UTRN: variants seen among roughly 807,000 people sequenced by gnomAD.
The protein encoded by UTRN is dystrophin-related protein 1.
A neutral mutation model predicts 463.9 loss-of-function variants in UTRN; 283 were observed. The observed-to-expected ratio is 0.61, with a 90% CI of 0.55 to 0.67. UTRN has a LOEUF of 0.67. UTRN is among the 30% of genes least tolerant of loss of function. The pLI, the probability that UTRN is intolerant of heterozygous loss-of-function variation, is 0.00. For missense variants in UTRN, 3,922 were observed against 4,084.3 expected (o/e 0.96, Z 1.08); for synonymous variants, 1,442 against 1,431.5 (o/e 1.01, Z -0.17).
Position 144,772,103 on chromosome 6 carries a change from G to C in UTRN, c.8557+135G>C, listed in dbSNP as rs141249643. ...GGCTGGAGTGCAGTGGCATGATCTC[G>C]GCTCACTGCAACCTCTGCCTCCCGG... On this transcript the variant is annotated intron_variant, in intron 59 of 74. Transcript: ENST00000367545. The C allele has an allele frequency of 8.1e-3, 4,111 of 508,592 alleles. 158 individuals are homozygous for C. In the African/African-American group the frequency reaches 0.087, roughly 11 times the overall value. 31.5% of individuals were successfully genotyped at this position (508,592 alleles called of 1,614,324 possible).
chr6:144,356,411 A>G (rs1778550385), intron 2 of UTRN, among the ~76,000 whole-genome samples: 1 of 152,214 alleles, frequency 6.6e-6, no homozygotes, highest in African/African-American at 2.4e-5. Flanking sequence ...AGGTGGCAAA[A>G]TCACTTCTGG....
intron 50 of UTRN, among the ~76,000 whole-genome samples, chr6:144,569,643 TC>T (rs1800754191): frequency 6.6e-6 from 1 of 152,186 alleles, no homozygotes. Context: ...TAGGTCCTGG[TC>T]CTATTGGGTG....
At chr6:144,813,888 C>A (rs954709302) in intron 65 of UTRN, among the ~76,000 whole-genome samples, 3 of 152,218 alleles carry the variant, frequency 2.0e-5, no homozygotes, top group African/African-American at 4.8e-5. Flanking sequence ...AGCTCTCAGA[C>A]TGGACCCATC....
At chr6:144,461,152 G>T in intron 21 of UTRN, 45 bp from the exon 22 acceptor site, 1 of 1,496,538 alleles carries the variant, frequency 6.7e-7, no homozygotes, top group Non-Finnish European at 9.0e-7. Flanking sequence ...AATAATATTG[G>T]TTCCTAATAT....
At chr6:144,754,339 G>A (rs1407248533) in intron 56 of UTRN, among the ~76,000 whole-genome samples, 2 of 152,156 alleles carry the variant, frequency 1.3e-5, no homozygotes, top group African/African-American at 4.8e-5. Flanking sequence ...TGTATGACCA[G>A]AATACGAACA....
At chr6:144,346,834 G>C (rs1259235508) in intron 2 of UTRN, among the ~76,000 whole-genome samples, 1 of 151,634 alleles carries the variant, frequency 6.6e-6, no homozygotes, top group Non-Finnish European at 1.5e-5. Context: ...AAAAAAAATA[G>C]ATCTCTATCT....
rs1232649847 is a variant in UTRN at position 144,774,223 on chromosome 6, C to T, written c.8558-67C>T. On this transcript the variant is annotated intron_variant, in intron 59 of 74. Transcript: ENST00000367545. ...TTTCATCATCCAAAGTAACCAAATACATTCTGGGCATTCAATATATATTCA... is the reference window on the plus strand; with the variant it reads ...TTTCATCATCCAAAGTAACCAAATATATTCTGGGCATTCAATATATATTCA... 8.6e-6 allele frequency: 12 copies of T among 1,398,816 alleles called. No individual in the cohort carries two copies. In the East Asian group the frequency reaches 2.9e-4, roughly 34 times the overall value. 86.7% of individuals were successfully genotyped at this position (1,398,816 alleles called of 1,614,324 possible). A position where few individuals can be genotyped will look rare whatever the true frequency, so the allele number is the denominator to read the frequency against.
intron 2 of UTRN, among the ~76,000 whole-genome samples, chr6:144,352,931 TTTCTTC>T (rs751691414): frequency 6.6e-6 from 1 of 152,068 alleles, no homozygotes; most frequent in Non-Finnish European, 1.5e-5. Context: ...TCTATTTATG[TTTCTTC>T]TTCTTCTTTT....
At position 144,448,649 on chromosome 6, in the gene UTRN, A is replaced by G. The variant is rs780724793; in HGVS notation, c.1952A>G (p.Asp651Gly). The change falls in exon 17 of 75, where the codon GAC becomes GGC. Residue 651 changes from aspartate to glycine, a missense_variant. By Grantham distance (94) the Asp-to-Gly change is moderately conservative (BLOSUM62 -1). This residue lies in a region of UTRN where 2,349 missense variants were observed against 2,303.8 expected (regional missense o/e 1.02). Coordinates refer to ENST00000367545, the MANE Select transcript of UTRN (RefSeq NM_007124.3). ...KLGMSQIPQK[D>G]LLETVRVREQ... is the part of the protein sequence containing the mutation. ...GGGATGTCTCAGATTCCTCAGAAGG[A>G]CCTTTTGGAGACTGTTCGTGTAAGA... 25 of 1,613,908 alleles carry G rather than the reference A, an allele frequency of 1.5e-5. No homozygotes were observed. Among genetic ancestry groups the G allele is most frequent in the Non-Finnish European group, 1.9e-5 (22 of 1,179,944 alleles).
rs1803661610 is a variant in UTRN, at chr6:144,286,394, G to A, written c.-93+573G>A. 2.0e-5 allele frequency among the ~76,000 whole-genome samples: 3 copies of A among 152,276 alleles called. No individual in the cohort carries two copies. In the South Asian group the frequency reaches 6.2e-4, roughly 32 times the overall value. On this transcript the variant is annotated intron_variant, in intron 1 of 74. Coordinates refer to ENST00000367545, the MANE Select transcript of UTRN (RefSeq NM_007124.3). The surrounding 1 kb of genome is among the most constrained non-coding windows in gnomAD (Gnocchi z 4.4). ...GGGGAACGTGCTTGACCTCTGGGTG[G>A]TTGCTGCTCCCAAGGGTGGGGCTCC... is the stretch of plus-strand genomic sequence containing the variant.
intron 2 of UTRN, among the ~76,000 whole-genome samples, chr6:144,352,414 A>T (rs1778185511): frequency 6.6e-6 from 1 of 152,208 alleles, no homozygotes; most frequent in African/African-American, 2.4e-5. Context: ...CTTTGCTTAT[A>T]TGCATTAAAA....
chr6:144,464,856 C>T (rs1394494887), intron 23 of UTRN, among the ~76,000 whole-genome samples: 1 of 152,138 alleles, frequency 6.6e-6, no homozygotes, highest in African/African-American at 2.4e-5. Flanking sequence ...GCAATTGTTC[C>T]CGGCTTTCAA....
At chr6:144,370,300 C>T (rs978777681) in intron 2 of UTRN, among the ~76,000 whole-genome samples, 12 of 152,306 alleles carry the variant, frequency 7.9e-5, no homozygotes, top group Admixed American at 7.8e-4. Context: ...AGTCCTGGGA[C>T]TTGGTGCCCT....
chr6:144,470,153 C>A (rs879880946), intron 23 of UTRN, among the ~76,000 whole-genome samples: 1 of 152,136 alleles, frequency 6.6e-6, no homozygotes, highest in Non-Finnish European at 1.5e-5. Flanking sequence ...CCCCACACTT[C>A]CCCCCCTTCT....
intron 52 of UTRN, among the ~76,000 whole-genome samples, chr6:144,689,770 G>A (rs1203908994): frequency 3.9e-5 from 6 of 151,958 alleles, no homozygotes; most frequent in Admixed American, 3.9e-4. Flanking sequence ...TTTCTCACAT[G>A]CCATGTGTAA....
chr6:144,626,634 T>C (rs554641845), intron 51 of UTRN, among the ~76,000 whole-genome samples: 1 of 152,328 alleles, frequency 6.6e-6, no homozygotes, highest in South Asian at 2.1e-4. Flanking sequence ...CAAGTTTGTG[T>C]TGTGGCTTTT....
intron 58 of UTRN, among the ~76,000 whole-genome samples, chr6:144,771,427 A>G (rs1320259237): frequency 6.6e-6 from 1 of 151,826 alleles, no homozygotes; most frequent in African/African-American, 2.4e-5. Context: ...TTTATTATTA[A>G]TATTTTTTAT....
Position 144,429,747 on chromosome 6 carries a change from G to A in UTRN, c.855+6G>A, listed in dbSNP as rs1785626139. The A allele has an allele frequency of 1.2e-6, 2 of 1,603,076 alleles. No individual in the cohort carries two copies. The highest frequency in any genetic ancestry group is 2.7e-5 in the African/African-American group (2 of 74,236). On this transcript the variant is annotated splice_donor_region_variant and intron_variant, in intron 9 of 74. Coordinates refer to ENST00000367545, the MANE Select transcript of UTRN (RefSeq NM_007124.3). ...AAGAGGCAATTAATATACAGGTACA[G>A]GTAACATTTTATTAAGATGTTTGGC... is the stretch of plus-strand genomic sequence containing the variant.
intron 65 of UTRN, among the ~76,000 whole-genome samples, chr6:144,819,877 G>GCCTCCTCCTCCTCCTCCT (rs535515378): frequency 3.1e-5 from 4 of 127,190 alleles, no homozygotes; most frequent in African/African-American, 1.3e-4. Context: ...CTCCTCCGCC[G>GCCTCCTCCTCCTCCTCCT]CCTCCTCCTC....
Sources: allele counts gnomAD v4.1 joint callset (sites outside exome capture counted in the v4.1 genomes callset), GRCh38; gene constraint gnomAD v4.1.1; regional missense constraint gnomAD v4.1.1; non-coding constraint Gnocchi (gnomAD v3.1); transcripts MANE v1.5; gene names NCBI Gene and HGNC (gene_info 2026-07-23, HGNC 2026-07-21).